ACVR1B: variants seen among roughly 807,000 people sequenced by gnomAD.
The protein encoded by ACVR1B is activin receptor type-1B.
ACVR1B carries 15 observed loss-of-function variants against 55.6 expected under a neutral mutation model. That is an observed-to-expected ratio of 0.27 (90% CI 0.18 to 0.42). ACVR1B has a LOEUF of 0.42. Ranked by LOEUF, ACVR1B falls within the 10% of genes least tolerant of loss-of-function variation. The pLI is 1.00. For missense variants in ACVR1B, 359 were observed against 670.1 expected, an observed-to-expected ratio of 0.54 and a Z score of 5.13; for synonymous variants, 247 against 254.6, an observed-to-expected ratio of 0.97 and a Z score of 0.28.
chr12:51,980,178 T>A (rs184476319), intron 3 of ACVR1B, among the ~76,000 whole-genome samples: 35 of 152,204 alleles, frequency 2.3e-4, no homozygotes, highest in Non-Finnish European at 2.1e-4. Flanking sequence ...GGAAGTGAGA[T>A]AATTTATGTA....
At chr12:51,968,569 T>C (rs771550816) in intron 1 of ACVR1B, among the ~76,000 whole-genome samples, 11 of 152,238 alleles carry the variant, frequency 7.2e-5, no homozygotes, top group Non-Finnish European at 1.5e-4. Context: ...CCCATGTCCC[T>C]TCCTTGAATT....
intron 1 of ACVR1B, chr12:51,953,379 T>C (rs1592239022): frequency 1.0e-6 from 1 of 985,486 alleles, no homozygotes; most frequent in African/African-American, 1.7e-5. Context: ...GTTCACGGGC[T>C]AATGCTTCTC....
intron 7 of ACVR1B, chr12:51,987,190 T>C (rs1565621739): frequency 1.5e-6 from 1 of 689,262 alleles, no homozygotes; most frequent in Non-Finnish European, 2.7e-6. Flanking sequence ...TTTGGCTTTA[T>C]AAACAAACAA....
chr12:51,968,094 G>A lies in ACVR1B; in HGVS notation c.92-7171G>A, dbSNP rs190012883. On this transcript the variant is annotated intron_variant, in intron 1 of 8. Coordinates refer to ENST00000257963, the MANE Select transcript of ACVR1B (RefSeq NM_004302.5). Reference sequence around the variant, plus strand: ...TACTGAAAATACAAAAAACTAGCCAGACGTGGTAGCAGGTGCCTGTAATCC... The same window carrying A: ...TACTGAAAATACAAAAAACTAGCCAAACGTGGTAGCAGGTGCCTGTAATCC... Among the ~76,000 whole-genome samples the A allele has an allele frequency of 1.1e-3, 168 of 152,348 alleles. 1 individual carries two copies. The highest frequency in any genetic ancestry group is 3.4e-3 in the African/African-American group (140 of 41,584).
chr12:51,993,177 G>T (rs1273956273), intron 8 of ACVR1B, among the ~76,000 whole-genome samples: 1 of 152,208 alleles, frequency 6.6e-6, no homozygotes, highest in Non-Finnish European at 1.5e-5. Flanking sequence ...CACATTTCAG[G>T]TGTACAGTAT....
rs148017670 is a variant in ACVR1B, at chr12:51,992,591, A to G, written c.1392+598A>G. 5.2e-4 allele frequency among the ~76,000 whole-genome samples: 79 copies of G among 152,354 alleles called. No homozygotes were observed. In the East Asian group the frequency reaches 0.011, roughly 20 times the overall value. Reference sequence around the variant, plus strand: ...ACTGAACCCAGAGCTGTTAGACACCAAACTAGGAAAGCAGCTCTGGAGCCC... The same window carrying G: ...ACTGAACCCAGAGCTGTTAGACACCGAACTAGGAAAGCAGCTCTGGAGCCC... On this transcript the variant is annotated intron_variant, in intron 8 of 8. Transcript: ENST00000257963.
rs1355949144 is a variant in ACVR1B at position 51,979,414 on chromosome 12, C to G, written c.581-1555C>G. Among the ~76,000 whole-genome samples the G allele has an allele frequency of 6.7e-5, 10 of 148,664 alleles. No individual in the cohort carries two copies. In the South Asian group the frequency reaches 8.5e-4, roughly 13 times the overall value. On this transcript the variant is annotated intron_variant, in intron 3 of 8. Transcript: ENST00000257963. The stretch of plus-strand genomic sequence containing the variant: ...CCTAGGAGGTGGAGGTTGCAGTGAG[C>G]CGAAATCATACCATTGCATTCCAGC...
intron 8 of ACVR1B, among the ~76,000 whole-genome samples, chr12:51,993,692 G>A (rs753055201): frequency 2.8e-5 from 4 of 140,888 alleles, no homozygotes; most frequent in East Asian, 2.2e-4. Flanking sequence ...ACTTGAACCC[G>A]GGAGGCGGAG....
At chr12:51,963,993 A>T (rs1941591305) in intron 1 of ACVR1B, among the ~76,000 whole-genome samples, 2 of 152,216 alleles carry the variant, frequency 1.3e-5, no homozygotes, top group Admixed American at 6.5e-5. Flanking sequence ...TAGTGGATAT[A>T]AAGTAGTATC....
intron 1 of ACVR1B, among the ~76,000 whole-genome samples, chr12:51,956,066 A>T (rs1249239011): frequency 6.6e-6 from 1 of 152,206 alleles, no homozygotes; most frequent in African/African-American, 2.4e-5. Context: ...ATGATTTCAG[A>T]GAGTATCTTT....
intron 1 of ACVR1B, among the ~76,000 whole-genome samples, chr12:51,966,772 T>C (rs1941649362): frequency 1.3e-5 from 2 of 152,322 alleles, no homozygotes; most frequent in South Asian, 4.1e-4. Flanking sequence ...GAGCCAGTTG[T>C]TAATTTTTTC....
chr12:51,991,059 T>A (rs1176056680), intron 7 of ACVR1B, among the ~76,000 whole-genome samples: 8 of 152,220 alleles, frequency 5.3e-5, no homozygotes, highest in Non-Finnish European at 1.2e-4. Context: ...AAGCGAATGA[T>A]TACTTCCCCT....
At chr12:51,970,040 A>C (rs931644923) in intron 1 of ACVR1B, among the ~76,000 whole-genome samples, 2 of 152,234 alleles carry the variant, frequency 1.3e-5, no homozygotes, top group African/African-American at 4.8e-5. Flanking sequence ...AGGCTGTAAC[A>C]CACTAAATCC....
Position 51,995,040 on chromosome 12 carries a change from G to A in ACVR1B, c.*930G>A, listed in dbSNP as rs1942274910. On this transcript the variant is annotated 3_prime_UTR_variant, in exon 9 of 9. Coordinates refer to ENST00000257963, the MANE Select transcript of ACVR1B (RefSeq NM_004302.5). ...ACAAAAGAGGCTTTTGGGCCAAAAT[G>A]TGAGGGTGGTGGGTGGGATGGGCAG... 1 of 152,862 alleles carries A rather than the reference G, an allele frequency of 6.5e-6. No homozygotes were observed. Among genetic ancestry groups the A allele is most frequent in the South Asian group, 2.1e-4 (1 of 4,832 alleles). 9.5% of individuals were successfully genotyped at this position (152,862 alleles called of 1,614,324 possible).
chr12:51,986,925 G>C lies in ACVR1B; in HGVS notation c.1244G>C (p.Arg415Pro). 6.2e-7 allele frequency: 1 copy of C among 1,614,210 alleles called. No individual in the cohort carries two copies. Among genetic ancestry groups the C allele is most frequent in the Non-Finnish European group, 8.5e-7 (1 of 1,180,040 alleles). Residue 415 changes from arginine (R) to proline (P), a missense_variant, in exon 7 of 9, where the codon CGA (arginine) becomes CCA (proline). This residue lies in a region of ACVR1B where 119 missense variants were observed against 340.2 expected (regional missense o/e 0.35). Transcript: ENST00000257963. Reference protein sequence around the residue: ...ALGLVYWEIARRCNSGGVHEE... With the variant: ...ALGLVYWEIAPRCNSGGVHEE... ...GGGCTTGTATATTGGGAGATTGCTC[G>C]AAGATGCAATTCTGGAGGTACCTTT...
rs1047195687 is a variant in ACVR1B at position 51,987,154 on chromosome 12, G to A, written c.1261+212G>A. On this transcript the variant is annotated intron_variant, in intron 7 of 8. Transcript: ENST00000257963. ...ATCAGTTTGTTGAATAGCGTTGTGTGTTATGGTAACCATTCTGAAGGCTCG... is the reference window on the plus strand; with the variant it reads ...ATCAGTTTGTTGAATAGCGTTGTGTATTATGGTAACCATTCTGAAGGCTCG... 8 of 733,044 alleles carry A rather than the reference G, an allele frequency of 1.1e-5. No homozygotes were observed. The African/African-American group carries it at 1.4e-4, about 13-fold the overall frequency. 45.4% of individuals were successfully genotyped at this position (733,044 alleles called of 1,614,324 possible).
At chr12:51,973,707 C>T (rs2120581915) in intron 1 of ACVR1B, among the ~76,000 whole-genome samples, 1 of 152,318 alleles carries the variant, frequency 6.6e-6, no homozygotes, top group African/African-American at 2.4e-5. Flanking sequence ...AGAAATAACA[C>T]TACCCAAACT....
chr12:51,995,692 A>AC lies in ACVR1B; in HGVS notation c.*1582_*1583insC. 1 of 152,358 alleles carries AC rather than the reference A, an allele frequency of 6.6e-6. No individual in the cohort carries two copies. The highest frequency in any genetic ancestry group is 3.4e-3 in the Middle Eastern group (1 of 294). The allele number at this position is 152,358 out of a possible 1,614,324, so 9.4% of individuals were successfully genotyped here. A position where few individuals can be genotyped will look rare whatever the true frequency, so the allele number is the denominator to read the frequency against. ...TATTTGTTTTTAAAGAAATCCCTAA[A>AC]AAAAAAAATTATCCAATTGAACGCA... On this transcript the variant is annotated 3_prime_UTR_variant, in exon 9 of 9. Coordinates refer to ENST00000257963, the MANE Select transcript of ACVR1B (RefSeq NM_004302.5).
chr12:51,973,884 G>A lies in ACVR1B; in HGVS notation c.92-1381G>A, dbSNP rs527344571. ...CCTCGGGTGGGACTAGCAAGGAATC[G>A]GCTCATTTATAGAAAGCCTAAGGAA... On this transcript the variant is annotated intron_variant, in intron 1 of 8. Transcript: ENST00000257963. 2.8e-4 allele frequency among the ~76,000 whole-genome samples: 42 copies of A among 152,300 alleles called. No individual in the cohort carries two copies. The South Asian group carries it at 8.3e-3, about 30-fold the overall frequency.
Sources: gnomAD v4.1 joint callset for allele counts (sites outside exome capture counted in the v4.1 genomes callset) on GRCh38, gnomAD v4.1.1 for gene constraint, gnomAD v4.1.1 regional missense constraint, MANE v1.5 for transcripts, NCBI Gene and HGNC (gene_info 2026-07-23, HGNC 2026-07-21) for gene names.